Variants in GPRC5B observed in about 807,000 individuals in gnomAD.
GPRC5B encodes the protein G protein-coupled receptor family C group 5 member B.
A neutral mutation model predicts 30.1 loss-of-function variants in GPRC5B; 16 were observed. The observed-to-expected ratio is 0.53, with a 90% CI of 0.36 to 0.81. The LOEUF (loss-of-function observed/expected upper bound fraction) is 0.81. GPRC5B is among the 30% of genes least tolerant of loss of function. GPRC5B has a pLI of 0.01. For missense variants in GPRC5B, 428 were observed against 544.7 expected (o/e 0.79, Z 2.13); for synonymous variants, 241 against 239.5 (o/e 1.01, Z -0.06).
chr16:19,881,084 C>T (rs1475900336), intron 1 of GPRC5B: 1 of 152,164 alleles, frequency 6.6e-6, no homozygotes, highest in Non-Finnish European at 1.5e-5. Context: ...GTGCCCAGTA[C>T]CCACATGAAT....
At chr16:19,866,286 G>T (rs546777346) in intron 2 of GPRC5B, among the ~76,000 whole-genome samples, 1 of 152,146 alleles carries the variant, frequency 6.6e-6, no homozygotes, top group Non-Finnish European at 1.5e-5. Context: ...CTGCCCCATT[G>T]TGTGTGAGTG....
chr16:19,860,172 C>A lies in GPRC5B; in HGVS notation c.*328G>T, dbSNP rs1205694175. The A allele has an allele frequency of 2.3e-4, 61 of 270,956 alleles. No homozygotes were observed. Among genetic ancestry groups the A allele is most frequent in the Non-Finnish European group, 7.1e-6 (1 of 141,380 alleles). The allele number at this position is 270,956 out of a possible 1,614,324, so 16.8% of individuals were successfully genotyped here. A position where few individuals can be genotyped will look rare whatever the true frequency, so the allele number is the denominator to read the frequency against. The stretch of plus-strand genomic sequence containing the variant: ...CAGCTGTGAATTTGGTTCTGTTCTA[C>A]CCCCAGAGGATGAAACAGTCTTCCC... On this transcript the variant is annotated 3_prime_UTR_variant, in exon 4 of 4. Transcript: ENST00000300571.
chr16:19,878,808 T>C (rs918394828), intron 1 of GPRC5B, among the ~76,000 whole-genome samples: 1 of 152,130 alleles, frequency 6.6e-6, no homozygotes, highest in Non-Finnish European at 1.5e-5. Flanking sequence ...TTCCCATTTA[T>C]AGAGGAGGAA....
At position 19,857,267 on chromosome 16, in the gene GPRC5B, G is replaced by T; in HGVS notation, c.*3233C>A. Reference sequence around the variant, plus strand: ...GAAAGCCTAGTAGTTAGTTGCACTGGGTTGTTTTGACAAGCTACCACACGT... The same window carrying T: ...GAAAGCCTAGTAGTTAGTTGCACTGTGTTGTTTTGACAAGCTACCACACGT... On this transcript the variant is annotated 3_prime_UTR_variant, in exon 4 of 4. Coordinates refer to ENST00000300571, the MANE Select transcript of GPRC5B (RefSeq NM_016235.3). 1 of 326,442 alleles carries T rather than the reference G, an allele frequency of 3.1e-6. No individual in the cohort carries two copies. Among genetic ancestry groups the T allele is most frequent in the South Asian group, 2.5e-5 (1 of 39,570 alleles). 20.2% of individuals were successfully genotyped at this position (326,442 alleles called of 1,614,324 possible). A position where few individuals can be genotyped will look rare whatever the true frequency, so the allele number is the denominator to read the frequency against.
Position 19,858,465 on chromosome 16 carries a change from G to C in GPRC5B, c.*2035C>G, listed in dbSNP as rs750076408. On this transcript the variant is annotated 3_prime_UTR_variant, in exon 4 of 4. Transcript: ENST00000300571. ...TTGGACAATAAAGAACTTAGAAAACGAACGTGTGAATTGCTCCATCGTGTG... is the reference window on the plus strand; with the variant it reads ...TTGGACAATAAAGAACTTAGAAAACCAACGTGTGAATTGCTCCATCGTGTG... 1 of 677,338 alleles carries C rather than the reference G, an allele frequency of 1.5e-6. No individual in the cohort carries two copies. Among genetic ancestry groups the C allele is most frequent in the South Asian group, 1.6e-5 (1 of 63,206 alleles). 42.0% of individuals were successfully genotyped at this position (677,338 alleles called of 1,614,324 possible).
intron 2 of GPRC5B, among the ~76,000 whole-genome samples, chr16:19,868,804 C>T (rs1288503893): frequency 2.0e-5 from 3 of 152,136 alleles, no homozygotes; most frequent in South Asian, 2.1e-4. Context: ...CCCATCCACG[C>T]GGGACAGAGG....
Position 19,857,964 on chromosome 16 carries a change from G to T in GPRC5B, c.*2536C>A, listed in dbSNP as rs541641023. On this transcript the variant is annotated 3_prime_UTR_variant, in exon 4 of 4. Coordinates refer to ENST00000300571, the MANE Select transcript of GPRC5B (RefSeq NM_016235.3). ...AGAGTGGCTGTTATAGACCCAAAGCGATTTTAATAACCAGACACGGAACAA... is the reference window on the plus strand; with the variant it reads ...AGAGTGGCTGTTATAGACCCAAAGCTATTTTAATAACCAGACACGGAACAA... The T allele has an allele frequency of 6.6e-6, 1 of 152,568 alleles. No individual in the cohort carries two copies. Among genetic ancestry groups the T allele is most frequent in the South Asian group, 2.1e-4 (1 of 4,838 alleles). The allele number at this position is 152,568 out of a possible 1,614,324, so 9.5% of individuals were successfully genotyped here. A position where few individuals can be genotyped will look rare whatever the true frequency, so the allele number is the denominator to read the frequency against.
intron 1 of GPRC5B, among the ~76,000 whole-genome samples, chr16:19,873,605 A>G (rs2056739999): frequency 1.3e-5 from 2 of 152,176 alleles, no homozygotes; most frequent in South Asian, 4.1e-4. Flanking sequence ...CTAACAGCTA[A>G]CAGCCAGGAA....
chr16:19,884,835 A>AGCTTCAGACCC lies in GPRC5B; in HGVS notation c.-111_-110insGGGTCTGAAGC. On this transcript the variant is annotated 5_prime_UTR_variant, in exon 1 of 4. Transcript: ENST00000300571. The stretch of plus-strand genomic sequence containing the variant: ...TCCACGCACGCCCGCCTGCGGGTCC[A>AGCTTCAGACCC]GCTTCACTGCAGCGCCTGCCAGAGT... 1.0e-6 allele frequency: 1 copy of AGCTTCAGACCC among 983,380 alleles called. No homozygotes were observed. The highest frequency in any genetic ancestry group is 1.2e-6 in the Non-Finnish European group (1 of 829,372). 60.9% of individuals were successfully genotyped at this position (983,380 alleles called of 1,614,324 possible). A position where few individuals can be genotyped will look rare whatever the true frequency, so the allele number is the denominator to read the frequency against.
chr16:19,878,703 C>T (rs1480075514), intron 1 of GPRC5B, among the ~76,000 whole-genome samples: 1 of 152,314 alleles, frequency 6.6e-6, no homozygotes, highest in Admixed American at 6.5e-5. Context: ...TCCCCAGTGC[C>T]TGGCACTTGG....
chr16:19,879,307 C>T (rs533223168), intron 1 of GPRC5B, among the ~76,000 whole-genome samples: 2 of 152,112 alleles, frequency 1.3e-5, no homozygotes, highest in Non-Finnish European at 2.9e-5. Flanking sequence ...TAAATGTGAA[C>T]GAATGCACAA....
chr16:19,884,930 CG>C, upstream of GPRC5B: 1 of 933,140 alleles, frequency 1.1e-6, no homozygotes. Flanking sequence ...CCCCCGCCCC[CG>C]CCCCCGGCCG....
At chr16:19,884,347 G>C (rs930008149) in intron 1 of GPRC5B, among the ~76,000 whole-genome samples, 60 of 150,396 alleles carry the variant, frequency 4.0e-4, no homozygotes, top group Admixed American at 4.6e-4. Flanking sequence ...GGACCAGCCC[G>C]CAGCTCCTCA....
At chr16:19,873,389 G>C (rs762281435) in intron 1 of GPRC5B, among the ~76,000 whole-genome samples, 22 of 151,770 alleles carry the variant, frequency 1.4e-4, no homozygotes, top group Non-Finnish European at 2.5e-4. Context: ...GCTTGAACCT[G>C]GGAGGCGAAG....
intron 2 of GPRC5B, among the ~76,000 whole-genome samples, chr16:19,864,516 G>A (rs997688077): frequency 2.0e-5 from 3 of 152,276 alleles, no homozygotes; most frequent in Non-Finnish European, 4.4e-5. Flanking sequence ...CTCACTCAGT[G>A]GAAGGATATA....
intron 1 of GPRC5B, among the ~76,000 whole-genome samples, chr16:19,882,621 T>C (rs911539434): frequency 2.0e-5 from 3 of 152,088 alleles, no homozygotes; most frequent in African/African-American, 2.4e-5. Flanking sequence ...TCTATCCCCA[T>C]GGGCAGAATG....
Position 19,860,462 on chromosome 16 carries a change from G to A in GPRC5B, c.*38C>T, listed in dbSNP as rs772364025. Reference sequence around the variant, plus strand: ...AAAGACACAGCCAGGGAGGCAAATCGGTAAGAGAAATTCTGATTCTCTGGA... The same window carrying A: ...AAAGACACAGCCAGGGAGGCAAATCAGTAAGAGAAATTCTGATTCTCTGGA... On this transcript the variant is annotated 3_prime_UTR_variant, in exon 4 of 4. Coordinates refer to ENST00000300571, the MANE Select transcript of GPRC5B (RefSeq NM_016235.3). The A allele has an allele frequency of 1.7e-5, 23 of 1,367,752 alleles. No homozygotes were observed. Among genetic ancestry groups the A allele is most frequent in the Admixed American group, 3.4e-5 (2 of 59,048 alleles). 84.7% of individuals were successfully genotyped at this position (1,367,752 alleles called of 1,614,324 possible). A position where few individuals can be genotyped will look rare whatever the true frequency, so the allele number is the denominator to read the frequency against.
upstream of GPRC5B, chr16:19,885,446 C>T: frequency 1.8e-6 from 2 of 1,136,804 alleles, no homozygotes; most frequent in Non-Finnish European, 2.2e-6. The surrounding 1 kb of genome is among the most constrained non-coding windows in gnomAD (Gnocchi z 5.3). Context: ...CTTCTCTCTC[C>T]TCACTGCCCA....
chr16:19,870,032 G>A (rs962919222), intron 2 of GPRC5B, among the ~76,000 whole-genome samples: 17 of 152,096 alleles, frequency 1.1e-4, no homozygotes, highest in African/African-American at 3.9e-4. Flanking sequence ...CTGTGATTGT[G>A]CCACTGCACT....
Sources: gnomAD v4.1 joint callset for allele counts (sites outside exome capture counted in the v4.1 genomes callset) on GRCh38, gnomAD v4.1.1 for gene constraint, Gnocchi (gnomAD v3.1) non-coding constraint, MANE v1.5 for transcripts, NCBI Gene and HGNC (gene_info 2026-07-23, HGNC 2026-07-21) for gene names.